Variants in KIAA1614 observed in about 807,000 individuals in gnomAD.
KIAA1614 encodes the protein KIAA1614, also known as uncharacterized protein KIAA1614.
In KIAA1614, 76 loss-of-function variants were observed where a neutral mutation model predicts 88.7. The ratio of observed to expected loss-of-function variants is 0.86; its 90% CI spans 0.71 to 1.04. The LOEUF (loss-of-function observed/expected upper bound fraction) is 1.04, where lower values mean the gene tolerates loss of function less well. Among genes scored for constraint, KIAA1614 ranks in the 50% least tolerant of loss-of-function variants. The pLI, the probability that KIAA1614 is intolerant of heterozygous loss-of-function variation, is 0.00. For missense variants in KIAA1614, 1,553 were observed against 1,582.5 expected (o/e 0.98, Z 0.32); for synonymous variants, 714 against 675.5 (o/e 1.06, Z -0.88).
Position 180,944,309 on chromosome 1 carries a change from G to A in KIAA1614, c.3160-80G>A, listed in dbSNP as rs146147746. On this transcript the variant is annotated intron_variant, in intron 7 of 8. Transcript: ENST00000367588. ...CTGTCACTTTCTTACAGGGCCCTCAGGTTCATGGTGGGGCCAAGTCCTCTG... is the reference window on the plus strand; with the variant it reads ...CTGTCACTTTCTTACAGGGCCCTCAAGTTCATGGTGGGGCCAAGTCCTCTG... The A allele has an allele frequency of 9.5e-5, 140 of 1,472,942 alleles. 1 individual carries two copies. The African/African-American group carries it at 1.7e-3, about 18-fold the overall frequency. 91.2% of individuals were successfully genotyped at this position (1,472,942 alleles called of 1,614,324 possible).
intron 4 of KIAA1614, among the ~76,000 whole-genome samples, chr1:180,931,882 G>A (rs940223538): frequency 6.6e-5 from 10 of 152,172 alleles, no homozygotes; most frequent in South Asian, 4.1e-4. Context: ...TGGAGGGGTC[G>A]TTGTGTGAAG....
Position 180,945,834 on chromosome 1 carries a change from G to C in KIAA1614, c.*246G>C. On this transcript the variant is annotated 3_prime_UTR_variant, in exon 9 of 9. Transcript: ENST00000367588. The stretch of plus-strand genomic sequence containing the variant: ...AAATTAGAAGCTTAGGCCGGGCGCA[G>C]TGGCTCATGCCTGTAATCCCAGAAC... 7.8e-7 allele frequency: 1 copy of C among 1,276,806 alleles called. No individual in the cohort carries two copies. The highest frequency in any genetic ancestry group is 9.8e-7 in the Non-Finnish European group (1 of 1,015,256). 79.1% of individuals were successfully genotyped at this position (1,276,806 alleles called of 1,614,324 possible). A position where few individuals can be genotyped will look rare whatever the true frequency, so the allele number is the denominator to read the frequency against.
intron 1 of KIAA1614, among the ~76,000 whole-genome samples, chr1:180,914,956 C>T (rs544041808): frequency 7.2e-5 from 11 of 152,078 alleles, no homozygotes; most frequent in Non-Finnish European, 8.8e-5. Flanking sequence ...TGTGAGCCAC[C>T]GCGCCTAGCC....
rs1387338763 is a variant in KIAA1614 at position 180,949,381 on chromosome 1, C to A, written c.*3793C>A. On this transcript the variant is annotated 3_prime_UTR_variant, in exon 9 of 9. Coordinates refer to ENST00000367588, the MANE Select transcript of KIAA1614 (RefSeq NM_020950.2). ...GTCCAGCCTGCCCTGGGAGAGCCAG[C>A]ACCTCACTTACTCTCCCAGGTGGGA... The A allele has an allele frequency of 1.3e-5, 2 of 152,284 alleles. No individual in the cohort carries two copies. Among genetic ancestry groups the A allele is most frequent in the Admixed American group, 1.3e-4 (2 of 15,290 alleles). 9.4% of individuals were successfully genotyped at this position (152,284 alleles called of 1,614,324 possible). A position where few individuals can be genotyped will look rare whatever the true frequency, so the allele number is the denominator to read the frequency against.
Position 180,917,863 on chromosome 1 carries a change from G to A in KIAA1614, c.1010G>A (p.Gly337Glu), listed in dbSNP as rs1361766573. 43 of 1,613,978 alleles carry A rather than the reference G, an allele frequency of 2.7e-5. No homozygotes were observed. The highest frequency in any genetic ancestry group is 3.6e-5 in the Non-Finnish European group (43 of 1,179,952). ...TTCTGGATCCTAGAGCGACCAGTGG[G>A]GGATGTGGACTGGGCCTCGGGCACC... is the stretch of plus-strand genomic sequence containing the variant. ...WDTAAPERPV[G>E]DVDWASGTSL... The change falls in exon 3 of 9, where the codon GGG becomes GAG. Residue 337 changes from glycine to glutamate, a missense_variant. By Grantham distance (98) the Gly-to-Glu change is moderately conservative. Coordinates refer to ENST00000367588, the MANE Select transcript of KIAA1614 (RefSeq NM_020950.2).
Position 180,936,253 on chromosome 1 carries a change from C to A in KIAA1614, c.2344C>A (p.Gln782Lys). 1 of 1,614,230 alleles carries A rather than the reference C, an allele frequency of 6.2e-7. No homozygotes were observed. The highest frequency in any genetic ancestry group is 1.3e-5 in the African/African-American group (1 of 75,058). The part of the protein sequence containing the change: ...SLEIVSPSSL[Q>K]QSHAEPSAPH... ...GGAAATTGTCTCTCCTTCCTCCCTGCAACAGAGCCATGCAGAGCCTTCTGC... is the reference window on the plus strand; with the variant it reads ...GGAAATTGTCTCTCCTTCCTCCCTGAAACAGAGCCATGCAGAGCCTTCTGC... Residue 782 changes from glutamine (Q) to lysine (K), a missense_variant, in exon 5 of 9, where the codon CAA (glutamine) becomes AAA (lysine). Physicochemically the swap from Gln to Lys is moderately conservative, Grantham distance 53. Transcript: ENST00000367588.
At position 180,916,541 on chromosome 1, in the gene KIAA1614, C is replaced by T; in HGVS notation, c.438C>T (p.Asn146=). The T allele has an allele frequency of 3.1e-6, 5 of 1,613,332 alleles. No homozygotes were observed. The highest frequency in any genetic ancestry group is 4.2e-6 in the Non-Finnish European group (5 of 1,179,584). ...CTGTGGTGGCTCCTCGTACCCAAAA[C>T]CTGCCTGATGGGCAGCTGGACGGCA... is the stretch of plus-strand genomic sequence containing the variant. ...PGAVVAPRTQ[N]LPDGQLDGSI... Residue 146 remains asparagine, a synonymous_variant, in exon 2 of 9, where the codon AAC becomes AAT. Coordinates refer to ENST00000367588, the MANE Select transcript of KIAA1614 (RefSeq NM_020950.2).
intron 4 of KIAA1614, among the ~76,000 whole-genome samples, chr1:180,933,328 C>T (rs1420637673): frequency 6.6e-6 from 1 of 152,138 alleles, no homozygotes; most frequent in Non-Finnish European, 1.5e-5. Context: ...CTGCATTTTC[C>T]CTCCAAAGTG....
At chr1:180,930,682 C>T (rs1654178506) in intron 4 of KIAA1614, among the ~76,000 whole-genome samples, 1 of 152,210 alleles carries the variant, frequency 6.6e-6, no homozygotes, top group African/African-American at 2.4e-5. Flanking sequence ...TTAACGTAGG[C>T]TCCCTTTTGC....
At chr1:180,938,461 T>C in intron 5 of KIAA1614, 94 bp from the exon 6 acceptor site, 2 of 1,399,696 alleles carry the variant, frequency 1.4e-6, no homozygotes, top group Non-Finnish European at 2.0e-6. Context: ...CAGCTTCTTC[T>C]CACCCTCCCC....
intron 3 of KIAA1614, among the ~76,000 whole-genome samples, chr1:180,927,965 G>C (rs543357262): frequency 6.6e-6 from 1 of 152,208 alleles, no homozygotes; most frequent in Non-Finnish European, 1.5e-5. Flanking sequence ...TACTAGTGTG[G>C]TGCTGTGTGT....
intron 1 of KIAA1614, among the ~76,000 whole-genome samples, chr1:180,914,832 G>A (rs932742422): frequency 6.6e-6 from 1 of 152,094 alleles, no homozygotes; most frequent in Non-Finnish European, 1.5e-5. Flanking sequence ...TCTGCCTCCC[G>A]AGTTCAAGCA....
In KIAA1614 at chr1:180,948,129, T is replaced by A. The variant is rs1654638242; in HGVS notation, c.*2541T>A. ...CCCGTTGTGCCCAGGCACTCCCTGGTCCTGCTGCCATCATGGGCGCTGGAT... is the reference window on the plus strand; with the variant it reads ...CCCGTTGTGCCCAGGCACTCCCTGGACCTGCTGCCATCATGGGCGCTGGAT... On this transcript the variant is annotated 3_prime_UTR_variant, in exon 9 of 9. Coordinates refer to ENST00000367588, the MANE Select transcript of KIAA1614 (RefSeq NM_020950.2). The A allele has an allele frequency of 6.6e-6, 1 of 152,228 alleles. No homozygotes were observed. The highest frequency in any genetic ancestry group is 1.5e-5 in the Non-Finnish European group (1 of 68,058). 9.4% of individuals were successfully genotyped at this position (152,228 alleles called of 1,614,324 possible). A position where few individuals can be genotyped will look rare whatever the true frequency, so the allele number is the denominator to read the frequency against.
Position 180,941,239 on chromosome 1 carries a change from G to A in KIAA1614, c.3113G>A (p.Gly1038Asp), listed in dbSNP as rs1222770732. The A allele has an allele frequency of 6.2e-7, 1 of 1,613,702 alleles. No individual in the cohort carries two copies. The highest frequency in any genetic ancestry group is 2.2e-5 in the East Asian group (1 of 44,876). Residue 1038 changes from glycine (G) to aspartate (D), a missense_variant, in exon 7 of 9, where the codon GGC becomes GAC. Gly to Asp is a moderately conservative substitution (Grantham distance 94). Coordinates refer to ENST00000367588, the MANE Select transcript of KIAA1614 (RefSeq NM_020950.2). ...SVEQLQPAPP[G>D]LTSQSRAPSL... The stretch of plus-strand genomic sequence containing the variant: ...GAGCAGTTGCAGCCCGCCCCGCCTG[G>A]CCTGACGTCACAGTCCAGGGCCCCA...
chr1:180,924,387 C>T (rs1654021218), intron 3 of KIAA1614, among the ~76,000 whole-genome samples: 1 of 152,224 alleles, frequency 6.6e-6, no homozygotes, highest in African/African-American at 2.4e-5. Context: ...AGGGGCAGCC[C>T]AAAGCCTCCT....
At chr1:180,925,049 A>T (rs1654038588) in intron 3 of KIAA1614, among the ~76,000 whole-genome samples, 1 of 152,094 alleles carries the variant, frequency 6.6e-6, no homozygotes, top group African/African-American at 2.4e-5. Flanking sequence ...GTAACCTGCC[A>T]GGGTGACACA....
rs760500850 is a variant in KIAA1614, at chr1:180,936,564, A to G, written c.2655A>G (p.Ala885=). The G allele has an allele frequency of 6.2e-7, 1 of 1,613,542 alleles. No individual in the cohort carries two copies. The highest frequency in any genetic ancestry group is 8.5e-7 in the Non-Finnish European group (1 of 1,179,950). ...ALSTNNCNNS[A]PRGLQEPYGG... is the part of the protein sequence containing the mutation. ...CCACCAACAACTGCAACAACAGCGCACCTCGGGGGCTGCAGGAGCCCTACG... is the reference window on the plus strand; with the variant it reads ...CCACCAACAACTGCAACAACAGCGCGCCTCGGGGGCTGCAGGAGCCCTACG... Residue 885 remains alanine (A), a synonymous_variant, in exon 5 of 9, where the codon GCA becomes GCG. Transcript: ENST00000367588.
rs1267365621 is a variant in KIAA1614, at chr1:180,917,833, T to G, written c.998-18T>G. The G allele has an allele frequency of 6.2e-7, 1 of 1,612,196 alleles. No homozygotes were observed. Among genetic ancestry groups the G allele is most frequent in the Non-Finnish European group, 8.5e-7 (1 of 1,178,302 alleles). Reference sequence around the variant, plus strand: ...TTTCTGGCTCTGTCCTGATCTCTGCTTCTGTTCTGGATCCTAGAGCGACCA... The same window carrying G: ...TTTCTGGCTCTGTCCTGATCTCTGCGTCTGTTCTGGATCCTAGAGCGACCA... On this transcript the variant is annotated intron_variant, in intron 2 of 8. Coordinates refer to ENST00000367588, the MANE Select transcript of KIAA1614 (RefSeq NM_020950.2).
intron 4 of KIAA1614, among the ~76,000 whole-genome samples, chr1:180,931,667 C>A (rs1654200493): frequency 1.3e-5 from 2 of 152,216 alleles, no homozygotes; most frequent in Admixed American, 1.3e-4. Flanking sequence ...CTTTTTAGAA[C>A]AAAAATGTCT....
Sources: allele counts gnomAD v4.1 joint callset (sites outside exome capture counted in the v4.1 genomes callset), GRCh38; gene constraint gnomAD v4.1.1; transcripts MANE v1.5; gene names NCBI Gene and HGNC (gene_info 2026-07-23, HGNC 2026-07-21).